ZNF804B: variants seen among roughly 807,000 people sequenced by gnomAD.
The protein encoded by ZNF804B is zinc finger protein 804B.
Under a neutral mutation model 101.4 loss-of-function variants are expected in ZNF804B, and 80 were observed. That is an observed-to-expected ratio of 0.79 (90% confidence interval 0.66 to 0.95). The LOEUF is 0.95. Ranked by LOEUF, ZNF804B falls within the 40% of genes least tolerant of loss-of-function variation. ZNF804B has a pLI of 0.00. For missense variants in ZNF804B, 1,673 were observed against 1,561.9 expected, an observed-to-expected ratio of 1.07 and a Z score of -1.20; for synonymous variants, 622 against 558.8, an observed-to-expected ratio of 1.11 and a Z score of -1.59.
chr7:88,940,769 A>AATAAT (rs1306749469), intron 1 of ZNF804B, among the ~76,000 whole-genome samples: 1 of 11,014 alleles, frequency 9.1e-5, no homozygotes, highest in African/African-American at 1.2e-3. Flanking sequence ...CCCTATTTAA[A>AATAAT]ATAATAATAA....
chr7:88,798,790 C>T (rs1197179236), intron 1 of ZNF804B, among the ~76,000 whole-genome samples: 1 of 152,084 alleles, frequency 6.6e-6, no homozygotes, highest in Non-Finnish European at 1.5e-5. Flanking sequence ...GCTCAATGGA[C>T]ATTCAGCTTT....
At chr7:89,115,703 G>C in intron 1 of ZNF804B, among the ~76,000 whole-genome samples, 1 of 152,080 alleles carries the variant, frequency 6.6e-6, no homozygotes, top group Non-Finnish European at 1.5e-5. Flanking sequence ...TTAAGAAATT[G>C]TGTATATTTA....
chr7:88,869,730 C>A (rs1236234883), intron 1 of ZNF804B, among the ~76,000 whole-genome samples: 1 of 152,104 alleles, frequency 6.6e-6, no homozygotes, highest in East Asian at 1.9e-4. Context: ...AGATAAGGAA[C>A]CCCTGGAGTT....
intron 1 of ZNF804B, among the ~76,000 whole-genome samples, chr7:88,854,755 T>A (rs1466298856): frequency 1.6e-5 from 1 of 62,316 alleles, no homozygotes; most frequent in Non-Finnish European, 2.9e-5. Context: ...CCCTCCCCCC[T>A]CCCCCGACCC....
chr7:88,941,327 G>T (rs1188303790), intron 1 of ZNF804B, among the ~76,000 whole-genome samples: 2 of 152,002 alleles, frequency 1.3e-5, no homozygotes, highest in African/African-American at 4.8e-5. Flanking sequence ...ATTTATAGCA[G>T]CTTTATTCAT....
rs79403848 is a variant in ZNF804B at position 89,081,180 on chromosome 7, C to T, written c.109-136975C>T. ...AAAAAAAGTCAGCCTTCTTCAGGGA[C>T]ACTAGACAGCTCAGGGCTAGAAATT... is the stretch of plus-strand genomic sequence containing the variant. On this transcript the variant is annotated intron_variant, in intron 1 of 3. Transcript: ENST00000333190. Among the ~76,000 whole-genome samples, 817 of 151,900 alleles carry T rather than the reference C, an allele frequency of 5.4e-3. 11 individuals carry two copies. Among genetic ancestry groups the T allele is most frequent in the African/African-American group, 0.019 (779 of 41,488 alleles).
chr7:89,323,034 G>C (rs1790843415), intron 2 of ZNF804B, among the ~76,000 whole-genome samples: 1 of 152,206 alleles, frequency 6.6e-6, no homozygotes, highest in African/African-American at 2.4e-5. Context: ...GATTGGACAT[G>C]AGGGCGTAGC....
intron 1 of ZNF804B, among the ~76,000 whole-genome samples, chr7:89,210,235 T>C (rs1788781948): frequency 6.6e-6 from 1 of 152,080 alleles, no homozygotes; most frequent in African/African-American, 2.4e-5. Flanking sequence ...TATGCTCTCT[T>C]GACTATGTTT....
rs185181456 is a variant in ZNF804B, at chr7:88,838,784, G to A, written c.108+78700G>A. Among the ~76,000 whole-genome samples the A allele has an allele frequency of 8.4e-3, 1,283 of 151,904 alleles. 11 individuals carry two copies. Among genetic ancestry groups the A allele is most frequent in the Non-Finnish European group, 0.014 (950 of 67,860 alleles). ...AGAATCTATCTTGTAAAGAACTTTT[G>A]TGAGTTCCTTGAACTAATAAATATA... is the stretch of plus-strand genomic sequence containing the variant. On this transcript the variant is annotated intron_variant, in intron 1 of 3. Transcript: ENST00000333190.
chr7:89,013,298 G>C (rs558451753), intron 1 of ZNF804B, among the ~76,000 whole-genome samples: 1 of 148,090 alleles, frequency 6.8e-6, no homozygotes, highest in East Asian at 2.0e-4. Context: ...AAACATATGA[G>C]AATTAGAAAG....
intron 1 of ZNF804B, among the ~76,000 whole-genome samples, chr7:88,762,917 T>C (rs549154972): frequency 6.6e-6 from 1 of 152,196 alleles, no homozygotes; most frequent in Non-Finnish European, 1.5e-5. Context: ...CACATTTTTC[T>C]GTTTTATTAG....
At position 89,335,218 on chromosome 7, in the gene ZNF804B, G is replaced by T; in HGVS notation, c.2236G>T (p.Glu746Ter). 1 of 1,613,840 alleles carries T rather than the reference G, an allele frequency of 6.2e-7. No homozygotes were observed. Among genetic ancestry groups the T allele is most frequent in the Non-Finnish European group, 8.5e-7 (1 of 1,179,944 alleles). ...RGNLLCFHKR[E>*]HHSVERHKRK... ...TAATTTGCTCTGCTTCCATAAAAGA[G>T]AACACCACTCAGTTGAAAGGCACAA... The change falls in exon 4 of 4, where the codon GAA becomes TAA. Residue 746 changes from glutamate to a stop codon, truncating the protein, a stop_gained. Transcript: ENST00000333190. LOFTEE classifies it high-confidence loss of function.
chr7:88,851,111 A>C (rs1194695572), intron 1 of ZNF804B, among the ~76,000 whole-genome samples: 3 of 152,136 alleles, frequency 2.0e-5, no homozygotes, highest in Admixed American at 6.6e-5. Flanking sequence ...TAAAGCAAAA[A>C]GCCTGGAAAA....
At chr7:88,838,774 A>T (rs2115799636) in intron 1 of ZNF804B, among the ~76,000 whole-genome samples, 1 of 152,040 alleles carries the variant, frequency 6.6e-6, no homozygotes, top group South Asian at 2.1e-4. Flanking sequence ...CTATCTTGTA[A>T]AGAACTTTTG....
intron 1 of ZNF804B, among the ~76,000 whole-genome samples, chr7:88,915,840 T>G (rs942862412): frequency 8.6e-5 from 13 of 151,660 alleles, no homozygotes; most frequent in Non-Finnish European, 1.5e-4. Flanking sequence ...AAAATAAGGA[T>G]AGTGTAACAA....
At chr7:89,185,078 C>T (rs1788356033) in intron 1 of ZNF804B, among the ~76,000 whole-genome samples, 1 of 152,112 alleles carries the variant, frequency 6.6e-6, no homozygotes, top group African/African-American at 2.4e-5. Context: ...CAGAAAGAAT[C>T]TTCTCAATTT....
chr7:88,934,451 G>A (rs113988560), intron 1 of ZNF804B, among the ~76,000 whole-genome samples: 4,977 of 151,698 alleles, frequency 0.033, 98 homozygotes, highest in East Asian at 0.05. Flanking sequence ...TAATCAGCAG[G>A]GTAAACAGAC....
intron 1 of ZNF804B, among the ~76,000 whole-genome samples, chr7:89,189,475 C>T (rs929539034): frequency 7.2e-5 from 11 of 152,022 alleles, no homozygotes; most frequent in Admixed American, 3.3e-4. Flanking sequence ...CCCATTTGGC[C>T]TTTGTTACAA....
chr7:89,179,435 C>G (rs572643785), intron 1 of ZNF804B, among the ~76,000 whole-genome samples: 2 of 152,126 alleles, frequency 1.3e-5, no homozygotes, highest in South Asian at 4.2e-4. Flanking sequence ...GACTCTGATG[C>G]ATTCTTCAGT....
Sources: gnomAD v4.1 joint callset for allele counts (sites outside exome capture counted in the v4.1 genomes callset) on GRCh38, gnomAD v4.1.1 for gene constraint, MANE v1.5 for transcripts, NCBI Gene and HGNC (gene_info 2026-07-23, HGNC 2026-07-21) for gene names.